The following SHC4 variants were observed in gnomAD, a reference collection of about 807,000 sequenced individuals.
The protein encoded by SHC4 is SHC adaptor protein 4, also known as SHC-transforming protein 4.
SHC4 carries 41 observed loss-of-function variants against 69.4 expected under a neutral mutation model. The ratio of observed to expected loss-of-function variants is 0.59; its 90% CI spans 0.46 to 0.77. The LOEUF (loss-of-function observed/expected upper bound fraction) is 0.77. SHC4 is among the 30% of genes least tolerant of loss of function. The probability of loss-of-function intolerance (pLI) is 0.00; values close to 1 mark genes in which losing one functional copy is unlikely to be tolerated. For missense variants in SHC4, 777 were observed against 783.8 expected, an observed-to-expected ratio of 0.99 and a Z score of 0.10; for synonymous variants, 318 against 299.3, an observed-to-expected ratio of 1.06 and a Z score of -0.64.
chr15:48,913,486 G>A (rs770245647), intron 2 of SHC4, among the ~76,000 whole-genome samples: 29 of 152,076 alleles, frequency 1.9e-4, no homozygotes, highest in Non-Finnish European at 3.8e-4. Flanking sequence ...GATGGAGAGC[G>A]ACAGGGGCTT....
Position 48,895,083 on chromosome 15 carries a change from G to C in SHC4, c.657-4272C>G, listed in dbSNP as rs775796937. 1.7e-4 allele frequency among the ~76,000 whole-genome samples: 26 copies of C among 152,066 alleles called. 1 individual carries two copies. The highest frequency in any genetic ancestry group is 3.2e-4 in the Non-Finnish European group (22 of 68,020). ...GCCTCCCAAAGTGCTGGGATTAGAG[G>C]TGTGAGCCACAGCTCCTGGCCAGCC... is the stretch of plus-strand genomic sequence containing the variant. On this transcript the variant is annotated intron_variant, in intron 2 of 11. Transcript: ENST00000332408.
chr15:48,929,446 T>G (rs1429385061), intron 1 of SHC4, among the ~76,000 whole-genome samples: 1 of 152,160 alleles, frequency 6.6e-6, no homozygotes, highest in African/African-American at 2.4e-5. Context: ...CTAACTTTAT[T>G]TAAGAGATGA....
In SHC4 at chr15:48,826,224, T is replaced by C. The variant is rs1024560550; in HGVS notation, c.1738-98A>G. On this transcript the variant is annotated intron_variant, in intron 11 of 11. Transcript: ENST00000332408. ...GAAAATGCCAGATATATCCCTAAAG[T>C]AGATACTTTGCTGAAAAAAGAAAAG... The C allele has an allele frequency of 3.7e-5, 43 of 1,156,802 alleles. No individual in the cohort carries two copies. In the African/African-American group the frequency reaches 5.4e-4, roughly 14 times the overall value. The allele number at this position is 1,156,802 out of a possible 1,614,324, so 71.7% of individuals were successfully genotyped here.
At chr15:48,896,533 C>T (rs1005591011) in intron 2 of SHC4, among the ~76,000 whole-genome samples, 2 of 152,068 alleles carry the variant, frequency 1.3e-5, no homozygotes, top group African/African-American at 4.8e-5. Flanking sequence ...ATTGGCCAGG[C>T]TGGTCTCAAA....
chr15:48,915,122 C>A (rs1029746992), intron 2 of SHC4, among the ~76,000 whole-genome samples: 76 of 152,344 alleles, frequency 5.0e-4, no homozygotes, highest in African/African-American at 1.8e-3. Flanking sequence ...AATCCCTTAT[C>A]AGATATATGA....
intron 1 of SHC4, among the ~76,000 whole-genome samples, chr15:48,928,275 G>A (rs1274058813): frequency 6.6e-6 from 1 of 152,204 alleles, no homozygotes; most frequent in African/African-American, 2.4e-5. Flanking sequence ...GACCGAGGAG[G>A]TTTTGTAGTG....
chr15:48,831,304 AAGTGTGCAGT>A (rs1898796297), intron 11 of SHC4, among the ~76,000 whole-genome samples: 1 of 152,208 alleles, frequency 6.6e-6, no homozygotes, highest in Non-Finnish European at 1.5e-5. Flanking sequence ...AGTGTTTATA[AAGTGTGCAGT>A]AGTGTGCAGT....
intron 11 of SHC4, among the ~76,000 whole-genome samples, chr15:48,826,413 T>C (rs1247679428): frequency 6.6e-6 from 1 of 152,028 alleles, no homozygotes; most frequent in Non-Finnish European, 1.5e-5. Flanking sequence ...CATGCCTGGC[T>C]AATTTTTTTT....
intron 2 of SHC4, among the ~76,000 whole-genome samples, chr15:48,909,757 A>G (rs1457135140): frequency 6.6e-6 from 1 of 152,266 alleles, no homozygotes; most frequent in East Asian, 1.9e-4. Flanking sequence ...GAGAGTTTTA[A>G]TGATAAAGCG....
chr15:48,853,435 C>G (rs1401247700), intron 8 of SHC4, among the ~76,000 whole-genome samples: 1 of 152,092 alleles, frequency 6.6e-6, no homozygotes, highest in African/African-American at 2.4e-5. Flanking sequence ...CAGTGCTATT[C>G]CAATAAAACA....
At chr15:48,851,434 G>A (rs965451775) in intron 8 of SHC4, among the ~76,000 whole-genome samples, 186 bp from the exon 9 acceptor site, 32 of 152,236 alleles carry the variant, frequency 2.1e-4, no homozygotes, top group Admixed American at 5.9e-4. Flanking sequence ...ATAGTTCATC[G>A]CCTTGGAGCT....
chr15:48,831,100 T>TA (rs1898791326), intron 11 of SHC4, among the ~76,000 whole-genome samples: 1 of 151,950 alleles, frequency 6.6e-6, no homozygotes, highest in South Asian at 2.1e-4. Flanking sequence ...CCATATAGAA[T>TA]AAGGATATAA....
Position 48,963,152 on chromosome 15 carries a change from G to T in SHC4, c.-137C>A, listed in dbSNP as rs1901576170. ...CCTCTCCAACTCTGCTCTCGAGCTC[G>T]CCCACCTCGGCTCCCGGCCCCTTAA... On this transcript the variant is annotated 5_prime_UTR_variant, in exon 1 of 12. Coordinates refer to ENST00000332408, the MANE Select transcript of SHC4 (RefSeq NM_203349.4). 8.0e-6 allele frequency: 7 copies of T among 877,094 alleles called. No homozygotes were observed. The highest frequency in any genetic ancestry group is 5.3e-5 in the East Asian group (2 of 37,726). The allele number at this position is 877,094 out of a possible 1,614,324, so 54.3% of individuals were successfully genotyped here. A position where few individuals can be genotyped will look rare whatever the true frequency, so the allele number is the denominator to read the frequency against.
rs1426205 is a variant in SHC4, at chr15:48,825,035, A to T, written c.*936T>A. 1 of 152,516 alleles carries T rather than the reference A, an allele frequency of 6.6e-6. No homozygotes were observed. Among genetic ancestry groups the T allele is most frequent in the African/African-American group, 2.4e-5 (1 of 41,402 alleles). 9.4% of individuals were successfully genotyped at this position (152,516 alleles called of 1,614,324 possible). On this transcript the variant is annotated 3_prime_UTR_variant, in exon 12 of 12. Transcript: ENST00000332408. ...TGTCAGCCAATCAAGAAGAAATTTT[A>T]CTATAATTTCAAATAGATTCTGTAC... is the stretch of plus-strand genomic sequence containing the variant.
intron 6 of SHC4, among the ~76,000 whole-genome samples, chr15:48,860,524 A>T (rs911588421): frequency 2.0e-5 from 3 of 152,050 alleles, no homozygotes; most frequent in Non-Finnish European, 4.4e-5. Flanking sequence ...AAATAATAAT[A>T]ATAAATAAAA....
chr15:48,828,113 GTGTATATATA>G (rs1435056599), intron 11 of SHC4, among the ~76,000 whole-genome samples: 1 of 100,596 alleles, frequency 9.9e-6, no homozygotes, highest in South Asian at 3.5e-4. Context: ...GTGTGTGTGT[GTGTATATATA>G]TATATATATA....
intron 2 of SHC4, among the ~76,000 whole-genome samples, chr15:48,921,444 C>T (rs1177431185): frequency 2.0e-5 from 3 of 151,720 alleles, no homozygotes; most frequent in Non-Finnish European, 4.4e-5. Flanking sequence ...AAGCAATTCT[C>T]CTGCCTCAGC....
chr15:48,897,290 G>C (rs143692029), intron 2 of SHC4, among the ~76,000 whole-genome samples: 2,274 of 152,230 alleles, frequency 0.015, 31 homozygotes, highest in Non-Finnish European at 0.022. Context: ...TGATGTAAGA[G>C]AATGAGAATG....
At chr15:48,844,279 AAAT>A (rs1333873854) in intron 9 of SHC4, among the ~76,000 whole-genome samples, 3 of 152,226 alleles carry the variant, frequency 2.0e-5, no homozygotes, top group South Asian at 4.1e-4. Context: ...ATTGTAGCCC[AAAT>A]AATCTTTTAA....
Sources: gnomAD v4.1 joint callset for allele counts (sites outside exome capture counted in the v4.1 genomes callset) on GRCh38, gnomAD v4.1.1 for gene constraint, MANE v1.5 for transcripts, NCBI Gene and HGNC (gene_info 2026-07-23, HGNC 2026-07-21) for gene names.